The following BARHL1 variants were observed in gnomAD, a reference collection of about 807,000 sequenced individuals.
BARHL1 encodes barH-like 1 homeobox protein.
Under a neutral mutation model 20.1 loss-of-function variants are expected in BARHL1, and 2 were observed. The ratio of observed to expected loss-of-function variants is 0.10; its 90% CI spans 0.04 to 0.31. The LOEUF is 0.31. BARHL1 is among the 10% of genes least tolerant of loss of function. The pLI, the probability that BARHL1 is intolerant of heterozygous loss-of-function variation, is 1.00. For synonymous variants in BARHL1, 213 were observed against 209.9 expected, an observed-to-expected ratio of 1.01 and a Z score of -0.13; for missense variants, 397 against 454.0, an observed-to-expected ratio of 0.87 and a Z score of 1.14.
In BARHL1 at chr9:132,589,485, T is replaced by C. The variant is rs1424112051; in HGVS notation, c.947T>C (p.Leu316Pro). ...GAGCCGCCCCCGCCGCTGCCCCCCC[T>C]GGCCGGCGTCCTCCCACGCGCCGCG... Reference protein sequence around the residue: ...ASEPPPPLPPLAGVLPRAAQP... With the variant: ...ASEPPPPLPPPAGVLPRAAQP... Residue 316 changes from leucine to proline, a missense_variant, in exon 3 of 3, where the codon CTG becomes CCG. Transcript: ENST00000263610. 3 of 1,471,414 alleles carry C rather than the reference T, an allele frequency of 2.0e-6. No individual in the cohort carries two copies. Among genetic ancestry groups the C allele is most frequent in the Non-Finnish European group, 1.8e-6 (2 of 1,114,722 alleles). The allele number at this position is 1,471,414 out of a possible 1,614,324, so 91.1% of individuals were successfully genotyped here. A position where few individuals can be genotyped will look rare whatever the true frequency, so the allele number is the denominator to read the frequency against.
chr9:132,586,548 C>G (rs1830145979), intron 1 of BARHL1, among the ~76,000 whole-genome samples: 1 of 152,234 alleles, frequency 6.6e-6, no homozygotes, highest in Admixed American at 6.5e-5. Context: ...TGTAAACACA[C>G]GATGCCACGC....
At chr9:132,583,583 G>C (rs1457989874) in intron 1 of BARHL1, among the ~76,000 whole-genome samples, 1 of 152,234 alleles carries the variant, frequency 6.6e-6, no homozygotes, top group African/African-American at 2.4e-5. Flanking sequence ...ACAGGAGCAG[G>C]TCCCAATCAG....
chr9:132,587,444 G>A lies in BARHL1; in HGVS notation c.582G>A (p.Glu194=), dbSNP rs1173168852. The change falls in exon 2 of 3, where the codon GAG becomes GAA. Residue 194 remains glutamate (E), a synonymous_variant. Transcript: ENST00000263610. This position sits in a 1 kb window ranked among gnomAD's most constrained non-coding sequence, Gnocchi z 5.5. ...AFTDHQLAQL[E]RSFERQKYLS... is the part of the protein sequence containing the mutation. ...CCGACCATCAGCTGGCGCAGCTGGA[G>A]CGCAGCTTCGAGCGGCAGAAGTACC... The A allele has an allele frequency of 2.5e-6, 4 of 1,612,634 alleles. No homozygotes were observed. The highest frequency in any genetic ancestry group is 1.1e-5 in the South Asian group (1 of 90,820).
intron 1 of BARHL1, among the ~76,000 whole-genome samples, chr9:132,586,022 C>T (rs1168980382): frequency 6.6e-6 from 1 of 152,232 alleles, no homozygotes. Context: ...GGGGAGCCCA[C>T]AGGGCAGGGA....
chr9:132,585,006 T>A (rs1830123112), intron 1 of BARHL1, among the ~76,000 whole-genome samples: 2 of 152,362 alleles, frequency 1.3e-5, no homozygotes, highest in Admixed American at 1.3e-4. Context: ...TGGCTGGAAC[T>A]GGAGATAGTG....
rs1049704190 is a variant in BARHL1, at chr9:132,582,621, C to T, written c.-177C>T. 1.5e-5 allele frequency: 9 copies of T among 602,674 alleles called. No homozygotes were observed. In the East Asian group the frequency reaches 2.5e-4, roughly 17 times the overall value. 37.3% of individuals were successfully genotyped at this position (602,674 alleles called of 1,614,324 possible). On this transcript the variant is annotated 5_prime_UTR_variant, in exon 1 of 3. Coordinates refer to ENST00000263610, the MANE Select transcript of BARHL1 (RefSeq NM_020064.4). ...GCACTGAGCCCTTTTGGATCTAATG[C>T]GCAGAGGAGGTTGGCCCAGAGCTCC...
At position 132,582,762 on chromosome 9, in the gene BARHL1, G is replaced by A. The variant is rs1306683763; in HGVS notation, c.-36G>A. 9 of 1,528,622 alleles carry A rather than the reference G, an allele frequency of 5.9e-6. No homozygotes were observed. The highest frequency in any genetic ancestry group is 8.0e-6 in the Non-Finnish European group (9 of 1,126,386). 94.7% of individuals were successfully genotyped at this position (1,528,622 alleles called of 1,614,324 possible). A position where few individuals can be genotyped will look rare whatever the true frequency, so the allele number is the denominator to read the frequency against. ...GCGGCGGCTGGGGTTGGGGGTGGGT[G>A]GGGAGCTTTTGGGGAGGACAGGTCG... On this transcript the variant is annotated 5_prime_UTR_variant, in exon 1 of 3. Coordinates refer to ENST00000263610, the MANE Select transcript of BARHL1 (RefSeq NM_020064.4).
Position 132,587,387 on chromosome 9 carries a change from G to A in BARHL1, c.525G>A (p.Leu175=), listed in dbSNP as rs1448080803. ...CCAGGGACAGTCCCCCGGTGCGCCT[G>A]AAAAAGCCACGCAAGGCGCGCACGG... is the stretch of plus-strand genomic sequence containing the variant. The part of the protein sequence containing the change: ...SSSRDSPPVR[L]KKPRKARTAF... Residue 175 remains leucine (L), a synonymous_variant, in exon 2 of 3, where the codon CTG becomes CTA. Transcript: ENST00000263610. The surrounding 1 kb of genome is among the most constrained non-coding windows in gnomAD (Gnocchi z 5.5). 1 of 1,612,060 alleles carries A rather than the reference G, an allele frequency of 6.2e-7. No homozygotes were observed. The highest frequency in any genetic ancestry group is 1.3e-5 in the African/African-American group (1 of 74,916).
chr9:132,587,218 C>T lies in BARHL1; in HGVS notation c.467-111C>T. On this transcript the variant is annotated intron_variant, in intron 1 of 2. Coordinates refer to ENST00000263610, the MANE Select transcript of BARHL1 (RefSeq NM_020064.4). The surrounding 1 kb of genome is among the most constrained non-coding windows in gnomAD (Gnocchi z 5.5). ...GAGCGGCCCCCGCGAGCTTGGGTGT[C>T]GCGGAACCACCGCTGTCGGAAGCCG... The T allele has an allele frequency of 9.2e-7, 1 of 1,085,380 alleles. No homozygotes were observed. Among genetic ancestry groups the T allele is most frequent in the Non-Finnish European group, 1.3e-6 (1 of 757,730 alleles). The allele number at this position is 1,085,380 out of a possible 1,614,324, so 67.2% of individuals were successfully genotyped here.
chr9:132,589,501 A>C lies in BARHL1; in HGVS notation c.963A>C (p.Pro321=). 7.2e-7 allele frequency: 1 copy of C among 1,394,536 alleles called. No individual in the cohort carries two copies. 86.4% of individuals were successfully genotyped at this position (1,394,536 alleles called of 1,614,324 possible). The change falls in exon 3 of 3, where the codon CCA becomes CCC. Residue 321 remains proline, a synonymous_variant. Transcript: ENST00000263610. The stretch of plus-strand genomic sequence containing the variant: ...TGCCCCCCCTGGCCGGCGTCCTCCC[A>C]CGCGCCGCGCAGCCTCGGTGAGGCG... The part of the protein sequence containing the change: ...PPLPPLAGVL[P]RAAQPR
chr9:132,583,313 C>T (rs773858741), intron 1 of BARHL1, 50 bp downstream of exon 1: 2 of 1,497,814 alleles, frequency 1.3e-6, no homozygotes, highest in Non-Finnish European at 1.8e-6. Flanking sequence ...TATCTAAAAA[C>T]TGACATTTAA....
In BARHL1 at chr9:132,587,590, T is replaced by C; in HGVS notation, c.689+39T>C. On this transcript the variant is annotated intron_variant, in intron 2 of 2. Coordinates refer to ENST00000263610, the MANE Select transcript of BARHL1 (RefSeq NM_020064.4). The surrounding 1 kb of genome is among the most constrained non-coding windows in gnomAD (Gnocchi z 5.5). The stretch of plus-strand genomic sequence containing the variant: ...GCGGGGGTAGAGGCAGAAAGGGAAC[T>C]TCCCCTTTCCTCACAGCTCCTGGAG... 6.5e-7 allele frequency: 1 copy of C among 1,544,126 alleles called. No individual in the cohort carries two copies. Among genetic ancestry groups the C allele is most frequent in the East Asian group, 2.4e-5 (1 of 42,164 alleles).
intron 1 of BARHL1, among the ~76,000 whole-genome samples, 186 bp downstream of exon 1, chr9:132,583,449 T>A (rs572955121): frequency 4.1e-4 from 63 of 152,060 alleles, no homozygotes; most frequent in African/African-American, 1.5e-3. Flanking sequence ...CAACAAAGAG[T>A]CTGGTGGAGA....
chr9:132,589,105 A>G lies in BARHL1; in HGVS notation c.690-123A>G, dbSNP rs78549642. ...GGTGCCTGGCACTCGGTTATTTATTAACAAATGAGTACGATCCCTCTTGGC... is the reference window on the plus strand; with the variant it reads ...GGTGCCTGGCACTCGGTTATTTATTGACAAATGAGTACGATCCCTCTTGGC... On this transcript the variant is annotated intron_variant, in intron 2 of 2. Coordinates refer to ENST00000263610, the MANE Select transcript of BARHL1 (RefSeq NM_020064.4). 1,817 of 1,448,882 alleles carry G rather than the reference A, an allele frequency of 1.3e-3. 24 individuals carry two copies. The African/African-American group carries it at 0.025, about 20-fold the overall frequency. The allele number at this position is 1,448,882 out of a possible 1,614,324, so 89.8% of individuals were successfully genotyped here.
Position 132,589,574 on chromosome 9 carries a change from C to A in BARHL1, c.*52C>A, listed in dbSNP as rs1488103625. On this transcript the variant is annotated 3_prime_UTR_variant, in exon 3 of 3. Coordinates refer to ENST00000263610, the MANE Select transcript of BARHL1 (RefSeq NM_020064.4). ...CCCGCGGGCTCGGCGTGGCCCCTTC[C>A]GCCCGCCTTTCTGAGGGCGCAGGTT... 6 of 1,243,312 alleles carry A rather than the reference C, an allele frequency of 4.8e-6. No individual in the cohort carries two copies. Among genetic ancestry groups the A allele is most frequent in the Middle Eastern group, 3.1e-4 (1 of 3,256 alleles). 77.0% of individuals were successfully genotyped at this position (1,243,312 alleles called of 1,614,324 possible).
intron 1 of BARHL1, among the ~76,000 whole-genome samples, chr9:132,585,716 A>C (rs1458284304): frequency 6.6e-6 from 1 of 152,178 alleles, no homozygotes; most frequent in African/African-American, 2.4e-5. Context: ...CAGAACCTGC[A>C]TTCAAAGGCT....
In BARHL1 at chr9:132,587,029, G is replaced by A. The variant is rs1399961686; in HGVS notation, c.467-300G>A. On this transcript the variant is annotated intron_variant, in intron 1 of 2. Coordinates refer to ENST00000263610, the MANE Select transcript of BARHL1 (RefSeq NM_020064.4). The surrounding 1 kb of genome is among the most constrained non-coding windows in gnomAD (Gnocchi z 5.5). ...GGCTCCGTTTATCCCTCCAGGGAGC[G>A]CGGGCAGAGCGCCGAGCGCGGCGCA... Among the ~76,000 whole-genome samples the A allele has an allele frequency of 6.6e-6, 1 of 152,216 alleles. No individual in the cohort carries two copies. Among genetic ancestry groups the A allele is most frequent in the Non-Finnish European group, 1.5e-5 (1 of 68,028 alleles).
chr9:132,585,775 C>A (rs758949061), intron 1 of BARHL1, among the ~76,000 whole-genome samples: 9 of 152,242 alleles, frequency 5.9e-5, no homozygotes, highest in African/African-American at 9.6e-5. Context: ...GTAGCTGACC[C>A]ATTCTTCCTG....
intron 2 of BARHL1, among the ~76,000 whole-genome samples, chr9:132,588,116 C>A (rs1392700868): frequency 1.3e-5 from 2 of 152,190 alleles, no homozygotes; most frequent in East Asian, 3.9e-4. Flanking sequence ...GACAGGGTGA[C>A]TGGGAAGTGG....
Sources: allele counts gnomAD v4.1 joint callset (sites outside exome capture counted in the v4.1 genomes callset), GRCh38; gene constraint gnomAD v4.1.1; non-coding constraint Gnocchi (gnomAD v3.1); transcripts MANE v1.5; gene names NCBI Gene and HGNC (gene_info 2026-07-23, HGNC 2026-07-21).